MYO9A: variants seen among roughly 807,000 people sequenced by gnomAD.
The protein encoded by MYO9A is myosin IXA.
In MYO9A, 103 loss-of-function variants were observed where a neutral mutation model predicts 293.3. That is an observed-to-expected ratio of 0.35 (90% confidence interval 0.30 to 0.41). The LOEUF (loss-of-function observed/expected upper bound fraction) is 0.41. Ranked by LOEUF, MYO9A falls within the 10% of genes least tolerant of loss-of-function variation. The pLI is 1.00. For missense variants in MYO9A, 2,685 were observed against 3,033.0 expected (o/e 0.89, Z 2.69); for synonymous variants, 1,001 against 1,035.7 (o/e 0.97, Z 0.64).
At chr15:71,991,378 T>C (rs1209857124) in intron 10 of MYO9A, 141 bp from the exon 11 acceptor site, 3 of 535,454 alleles carry the variant, frequency 5.6e-6, no homozygotes, top group Admixed American at 3.9e-5. Context: ...TCAAAACATA[T>C]CATGACTTAA....
Position 71,880,382 on chromosome 15 carries a change from C to A in MYO9A, c.5575G>T (p.Ala1859Ser), listed in dbSNP as rs756270302. 1 of 1,614,226 alleles carries A rather than the reference C, an allele frequency of 6.2e-7. No homozygotes were observed. The highest frequency in any genetic ancestry group is 8.5e-7 in the Non-Finnish European group (1 of 1,180,010). ...HWQNDSVQII[A>S]SVSDLKSMDE... is the part of the protein sequence containing the mutation. ...ATGCTTTTTAAATCACTGACACTTG[C>A]TATGATCTGGACAGAGTCATTTTGC... The change falls in exon 29 of 42, where the codon GCA (alanine) becomes TCA (serine). Residue 1859 changes from alanine (A) to serine (S), a missense_variant. By Grantham distance (99) the Ala-to-Ser change is moderately conservative. Transcript: ENST00000356056.
At chr15:72,070,143 A>G (rs1596504990) in intron 1 of MYO9A, among the ~76,000 whole-genome samples, 1 of 149,650 alleles carries the variant, frequency 6.7e-6, no homozygotes, top group Non-Finnish European at 1.5e-5. Context: ...AAAAAAAAAA[A>G]AAAAAGAATG....
intron 28 of MYO9A, among the ~76,000 whole-genome samples, chr15:71,881,902 C>T (rs1360796957): frequency 1.3e-5 from 2 of 152,270 alleles, no homozygotes; most frequent in Non-Finnish European, 1.5e-5. Context: ...TAACCTTAGC[C>T]ATTCAATAGT....
intron 1 of MYO9A, among the ~76,000 whole-genome samples, chr15:72,101,277 G>A (rs1270819579): frequency 1.1e-4 from 14 of 130,604 alleles, no homozygotes; most frequent in African/African-American, 3.7e-4. Context: ...CAGCCGCCCC[G>A]TCAGGGAGGG....
chr15:71,882,461 G>T (rs181123429), intron 28 of MYO9A, among the ~76,000 whole-genome samples: 1 of 152,040 alleles, frequency 6.6e-6, no homozygotes, highest in African/African-American at 2.4e-5. Context: ...TATGCTGCAC[G>T]CCCAGAAAGT....
At chr15:72,091,717 CTT>C (rs58300874) in intron 1 of MYO9A, among the ~76,000 whole-genome samples, 315 of 133,230 alleles carry the variant, frequency 2.4e-3, no homozygotes, top group Middle Eastern at 7.5e-3. Flanking sequence ...TTCTTTTTTT[CTT>C]TTTTTTTTTT....
chr15:71,906,762 T>TC (rs2057663170), intron 19 of MYO9A, among the ~76,000 whole-genome samples: 1 of 17,128 alleles, frequency 5.8e-5, no homozygotes, highest in Non-Finnish European at 2.3e-4. Flanking sequence ...TTCTTTCTTT[T>TC]TTTTTTTTTT....
intron 1 of MYO9A, among the ~76,000 whole-genome samples, chr15:72,088,934 G>C (rs1283176282): frequency 6.6e-6 from 1 of 152,154 alleles, no homozygotes; most frequent in Admixed American, 6.5e-5. Context: ...CAGTCATCCA[G>C]TCTCCCTTCT....
Position 71,897,668 on chromosome 15 carries a change from C to T in MYO9A, c.4835G>A (p.Cys1612Tyr), listed in dbSNP as rs780232509. 1.2e-6 allele frequency: 2 copies of T among 1,614,140 alleles called. No individual in the cohort carries two copies. Among genetic ancestry groups the T allele is most frequent in the South Asian group, 2.2e-5 (2 of 91,070 alleles). The change falls in exon 25 of 42, where the codon TGC (cysteine) becomes TAC (tyrosine). Residue 1612 changes from cysteine to tyrosine, a missense_variant. Transcript: ENST00000356056. ...TAATTCCTTGACAGTACTAGATTGG[C>T]ATGGACTTCCTTTTCTTTCAAAGAA... ...TVFFERKGSP[C>Y]QSSTVKELSK...
intron 26 of MYO9A, chr15:71,891,531 CTG>C (rs765421318): frequency 1.6e-4 from 25 of 152,218 alleles, no homozygotes; most frequent in Non-Finnish European, 2.6e-4. Context: ...TCGTATTTAA[CTG>C]TTAATCAGAT....
chr15:71,906,306 T>C (rs978291917), intron 19 of MYO9A, among the ~76,000 whole-genome samples: 1 of 152,204 alleles, frequency 6.6e-6, no homozygotes, highest in Non-Finnish European at 1.5e-5. Flanking sequence ...GCTAGGGTGT[T>C]CTACAAATTT....
intron 1 of MYO9A, among the ~76,000 whole-genome samples, chr15:72,097,043 G>C (rs4777485): frequency 0.25 from 37,588 of 152,134 alleles, 5,107 homozygotes; most frequent in East Asian, 0.59. Flanking sequence ...AAGATGCTGA[G>C]AACACTGTTG....
At chr15:71,922,351 T>C (rs536298859) in intron 18 of MYO9A, among the ~76,000 whole-genome samples, 1 of 152,348 alleles carries the variant, frequency 6.6e-6, no homozygotes, top group African/African-American at 2.4e-5. Context: ...TGATGAATAA[T>C]AATTGTATAT....
intron 11 of MYO9A, among the ~76,000 whole-genome samples, chr15:71,985,277 T>C (rs528809144): frequency 2.0e-5 from 3 of 152,304 alleles, no homozygotes; most frequent in East Asian, 3.9e-4. Context: ...TTTATGTCTC[T>C]GTCTGTCTCT....
intron 1 of MYO9A, among the ~76,000 whole-genome samples, chr15:72,049,555 A>C (rs2078491579): frequency 6.6e-6 from 1 of 152,232 alleles, no homozygotes. Context: ...GTGCCAGTCC[A>C]TGGCCTGTCA....
chr15:71,930,200 A>G (rs1361600110), intron 18 of MYO9A, among the ~76,000 whole-genome samples: 2 of 152,100 alleles, frequency 1.3e-5, no homozygotes, highest in African/African-American at 2.4e-5. Context: ...TGTTCTGTAT[A>G]TGTCTATTAA....
At chr15:72,077,712 A>C (rs1250715531) in intron 1 of MYO9A, among the ~76,000 whole-genome samples, 5 of 142,932 alleles carry the variant, frequency 3.5e-5, no homozygotes, top group Non-Finnish European at 7.5e-5. Context: ...CCTGGGCAAC[A>C]GAGTGAGACT....
chr15:71,924,764 C>CA (rs2058247588), intron 18 of MYO9A, among the ~76,000 whole-genome samples: 1 of 151,864 alleles, frequency 6.6e-6, no homozygotes, highest in Non-Finnish European at 1.5e-5. Context: ...CTACTAACTA[C>CA]AAAAAAGTAG....
chr15:71,833,447 T>C (rs1365280188), intron 39 of MYO9A, among the ~76,000 whole-genome samples: 1 of 152,134 alleles, frequency 6.6e-6, no homozygotes, highest in Non-Finnish European at 1.5e-5. Context: ...CAAATATGTA[T>C]GTACCTAAGA....
Sources: allele counts gnomAD v4.1 joint callset (sites outside exome capture counted in the v4.1 genomes callset), GRCh38; gene constraint gnomAD v4.1.1; transcripts MANE v1.5; gene names NCBI Gene and HGNC (gene_info 2026-07-23, HGNC 2026-07-21).